The following PHLDB2 variants were observed in gnomAD, a reference collection of about 807,000 sequenced individuals.
PHLDB2 encodes the protein pleckstrin homology-like domain family B member 2.
A neutral mutation model predicts 123.6 loss-of-function variants in PHLDB2; 71 were observed. The ratio of observed to expected loss-of-function variants is 0.57; its 90% CI spans 0.47 to 0.70. The LOEUF (loss-of-function observed/expected upper bound fraction) is 0.70, where lower values mean the gene tolerates loss of function less well. Among genes scored for constraint, PHLDB2 ranks in the 30% least tolerant of loss-of-function variants. The pLI is 0.00. For missense variants in PHLDB2, 1,446 were observed against 1,519.5 expected, an observed-to-expected ratio of 0.95 and a Z score of 0.80; for synonymous variants, 547 against 541.6, an observed-to-expected ratio of 1.01 and a Z score of -0.14.
intron 2 of PHLDB2, among the ~76,000 whole-genome samples, chr3:111,912,163 A>T (rs879495343): frequency 3.9e-5 from 6 of 152,234 alleles, no homozygotes; most frequent in Non-Finnish European, 7.3e-5. Context: ...TGGAATTAAC[A>T]TGAAAGGTAA....
At chr3:111,896,791 G>A (rs531408414) in intron 2 of PHLDB2, among the ~76,000 whole-genome samples, 40 of 150,770 alleles carry the variant, frequency 2.7e-4, no homozygotes, top group African/African-American at 7.3e-4. Flanking sequence ...AGCATTACAA[G>A]GGTAACACAT....
At chr3:111,744,310 G>T (rs1237980119) in intron 1 of PHLDB2, among the ~76,000 whole-genome samples, 1 of 152,202 alleles carries the variant, frequency 6.6e-6, no homozygotes, top group Non-Finnish European at 1.5e-5. Flanking sequence ...AGCATGTGGG[G>T]AGCAGACCCT....
At chr3:111,800,722 C>T (rs2061344726) in intron 1 of PHLDB2, among the ~76,000 whole-genome samples, 1 of 152,098 alleles carries the variant, frequency 6.6e-6, no homozygotes, top group African/African-American at 2.4e-5. Flanking sequence ...AGATGCAGTA[C>T]CTGATTTAAA....
chr3:111,855,588 T>C (rs187090939), upstream of PHLDB2, among the ~76,000 whole-genome samples: 3 of 151,580 alleles, frequency 2.0e-5, no homozygotes, highest in East Asian at 5.8e-4. Context: ...ACAGTTGCAC[T>C]TTATTGAGTG....
chr3:111,811,015 A>C (rs2061813402), intron 1 of PHLDB2, among the ~76,000 whole-genome samples: 1 of 152,014 alleles, frequency 6.6e-6, no homozygotes, highest in Admixed American at 6.6e-5. Context: ...TGCTCCATGA[A>C]CCCCCTCAGG....
rs66478861 is a variant in PHLDB2, at chr3:111,895,873, C to CATCTATCTATCT, written c.1335+10476_1335+10487dup. 3.3e-3 allele frequency among the ~76,000 whole-genome samples: 491 copies of CATCTATCTATCT among 148,682 alleles called. 5 individuals carry two copies. Among genetic ancestry groups the CATCTATCTATCT allele is most frequent in the African/African-American group, 0.011 (455 of 40,280 alleles). Reference sequence around the variant, plus strand: ...AAAAAAAAAAATCTATCTATCTATCCATCTATCTATCTATCTATCTATCTA... The same window carrying CATCTATCTATCT: ...AAAAAAAAAAATCTATCTATCTATCCATCTATCTATCTATCTATCTATCTATCTATCTATCTA... On this transcript the variant is annotated intron_variant, in intron 2 of 17. Transcript: ENST00000431670.
At chr3:111,785,734 A>G (rs984686390) in intron 1 of PHLDB2, among the ~76,000 whole-genome samples, 3 of 152,160 alleles carry the variant, frequency 2.0e-5, no homozygotes, top group African/African-American at 7.2e-5. Context: ...GAAGGAAGTC[A>G]TAATTCTACT....
At chr3:111,830,980 A>AG (rs1491111073) in intron 1 of PHLDB2, among the ~76,000 whole-genome samples, 8 of 64,040 alleles carry the variant, frequency 1.2e-4, no homozygotes, top group Non-Finnish European at 2.2e-4. Flanking sequence ...AAAGAAAGAA[A>AG]GAAAGAAAGA....
At chr3:111,826,780 T>A (rs1242367454) in intron 1 of PHLDB2, among the ~76,000 whole-genome samples, 11 of 151,964 alleles carry the variant, frequency 7.2e-5, no homozygotes, top group Admixed American at 7.2e-4. Flanking sequence ...CAGGGAGTGG[T>A]TTGATCAGCT....
intron 3 of PHLDB2, chr3:111,915,279 A>C (rs1429433265): frequency 6.6e-6 from 1 of 152,198 alleles, no homozygotes; most frequent in Non-Finnish European, 1.5e-5. Flanking sequence ...GGCATTATTC[A>C]GGGGAGTTTG....
Position 111,966,685 on chromosome 3 carries a change from G to A in PHLDB2, c.3150G>A (p.Thr1050=), listed in dbSNP as rs768193997. 1.1e-5 allele frequency: 17 copies of A among 1,612,928 alleles called. No individual in the cohort carries two copies. Among genetic ancestry groups the A allele is most frequent in the Admixed American group, 8.4e-5 (5 of 59,870 alleles). Residue 1050 remains threonine, a synonymous_variant, in exon 14 of 18, where the codon ACG becomes ACA. Coordinates refer to ENST00000431670, the MANE Select transcript of PHLDB2 (RefSeq NM_001134438.2). ...TGAAGCAGGCTCATGCAGAAAAGAC[G>A]CGGCTGCTCGAATCCAGGGTAAGCT... is the stretch of plus-strand genomic sequence containing the variant. ...RLLKQAHAEK[T]RLLESREREM...
Position 111,829,141 on chromosome 3 carries a change from C to T in PHLDB2, c.-48-16680C>T, listed in dbSNP as rs912696599. Among the ~76,000 whole-genome samples, 5 of 152,176 alleles carry T rather than the reference C, an allele frequency of 3.3e-5. No homozygotes were observed. In the East Asian group the frequency reaches 5.8e-4, roughly 18 times the overall value. ...TTGACAGCATTAATTAGAGCCAACA[C>T]ACTAAAATTCTAAAAAGTCATGGAA... On this transcript the variant is annotated intron_variant, in intron 1 of 17. Transcript: ENST00000393923.
intron 1 of PHLDB2, among the ~76,000 whole-genome samples, chr3:111,844,579 G>A (rs1041683343): frequency 5.9e-5 from 9 of 152,102 alleles, no homozygotes; most frequent in Non-Finnish European, 7.4e-5. Flanking sequence ...TAGTTTCTTA[G>A]CATCTCTCCC....
intron 1 of PHLDB2, among the ~76,000 whole-genome samples, chr3:111,822,448 T>A (rs1203670466): frequency 1.3e-5 from 2 of 152,046 alleles, no homozygotes; most frequent in African/African-American, 4.8e-5. Context: ...TCCAAAAATG[T>A]CAAGGAAAGT....
intron 1 of PHLDB2, among the ~76,000 whole-genome samples, chr3:111,764,566 A>C (rs1327654852): frequency 2.0e-5 from 3 of 152,166 alleles, no homozygotes; most frequent in Non-Finnish European, 2.9e-5. Flanking sequence ...GCCAGATTTC[A>C]TAAAGGGAAC....
intron 15 of PHLDB2, among the ~76,000 whole-genome samples, chr3:111,968,657 T>C (rs984500506): frequency 6.6e-6 from 1 of 152,252 alleles, no homozygotes; most frequent in East Asian, 1.9e-4. Flanking sequence ...TTAGAGACTA[T>C]CTTTAAGACT....
At chr3:111,917,086 A>G (rs573776090) in intron 3 of PHLDB2, 2 of 152,344 alleles carry the variant, frequency 1.3e-5, no homozygotes, top group East Asian at 1.9e-4. Flanking sequence ...AAATGAGATT[A>G]CATTGTCCTC....
In PHLDB2 at chr3:111,967,516, C is replaced by T. The variant is rs1230406514; in HGVS notation, c.3169-162C>T. Among the ~76,000 whole-genome samples, 3 of 152,114 alleles carry T rather than the reference C, an allele frequency of 2.0e-5. No homozygotes were observed. The East Asian group carries it at 5.8e-4, about 29-fold the overall frequency. ...GCAGATGATGATTTTGGAAGCTATACCAGGCATGGTTATGAGTTGTTTTCT... is the reference window on the plus strand; with the variant it reads ...GCAGATGATGATTTTGGAAGCTATATCAGGCATGGTTATGAGTTGTTTTCT... On this transcript the variant is annotated intron_variant, in intron 14 of 17. Coordinates refer to ENST00000431670, the MANE Select transcript of PHLDB2 (RefSeq NM_001134438.2).
chr3:111,885,957 A>G (rs754845478), intron 2 of PHLDB2, among the ~76,000 whole-genome samples: 3 of 152,218 alleles, frequency 2.0e-5, no homozygotes. Flanking sequence ...CTTATCACGT[A>G]CAGTGATTCC....
Sources: gnomAD v4.1 joint callset for allele counts (sites outside exome capture counted in the v4.1 genomes callset) on GRCh38, gnomAD v4.1.1 for gene constraint, MANE v1.5 for transcripts, NCBI Gene and HGNC (gene_info 2026-07-23, HGNC 2026-07-21) for gene names.